TRAPPC9: variants seen among roughly 807,000 people sequenced by gnomAD.
TRAPPC9 encodes trafficking protein particle complex subunit 9, also known as IKK2 binding protein.
TRAPPC9 carries 83 observed loss-of-function variants against 124.0 expected under a neutral mutation model. That is an observed-to-expected ratio of 0.67 (90% CI 0.56 to 0.80). TRAPPC9 has a LOEUF of 0.80. Ranked by LOEUF, TRAPPC9 falls within the 30% of genes least tolerant of loss-of-function variation. The pLI is 0.00. For synonymous variants in TRAPPC9, 638 were observed against 617.5 expected (o/e 1.03, Z -0.49); for missense variants, 1,302 against 1,508.3 (o/e 0.86, Z 2.27).
chr8:140,249,664 C>T (rs1437815171), intron 16 of TRAPPC9, among the ~76,000 whole-genome samples: 2 of 136,148 alleles, frequency 1.5e-5, no homozygotes, highest in Admixed American at 8.4e-5. Context: ...AGGGCAGTGG[C>T]GCGATCTCGG....
At chr8:140,153,313 C>T (rs1269278415) in intron 17 of TRAPPC9, among the ~76,000 whole-genome samples, 1 of 152,072 alleles carries the variant, frequency 6.6e-6, no homozygotes, top group Non-Finnish European at 1.5e-5. Context: ...GCTGTTACTT[C>T]TTCCCTCCAT....
intron 17 of TRAPPC9, among the ~76,000 whole-genome samples, chr8:140,200,466 C>CAA (rs2062761530): frequency 6.6e-6 from 1 of 152,034 alleles, no homozygotes; most frequent in Admixed American, 6.5e-5. Context: ...AGTCACTTTC[C>CAA]AATGGAGAAA....
chr8:139,836,981 G>GAACCCAGAA (rs3036946), intron 21 of TRAPPC9, among the ~76,000 whole-genome samples: 1 of 151,580 alleles, frequency 6.6e-6, no homozygotes, highest in African/African-American at 2.4e-5. Flanking sequence ...AGGACTTGGG[G>GAACCCAGAA]CCTAGCGATC....
At chr8:140,163,150 C>G (rs2061778506) in intron 17 of TRAPPC9, among the ~76,000 whole-genome samples, 1 of 152,230 alleles carries the variant, frequency 6.6e-6, no homozygotes, top group Non-Finnish European at 1.5e-5. Context: ...AGAGGGCTTG[C>G]CAACCACCAG....
chr8:140,377,292 CT>C (rs112138031), intron 7 of TRAPPC9, among the ~76,000 whole-genome samples: 46 of 150,198 alleles, frequency 3.1e-4, no homozygotes, highest in East Asian at 2.0e-3. Context: ...TTCTCAGTTT[CT>C]TTTTTTTTTC....
intron 17 of TRAPPC9, chr8:140,039,761 C>A (rs527871582): frequency 1.3e-5 from 2 of 152,234 alleles, no homozygotes; most frequent in Admixed American, 1.3e-4. Context: ...ACTGATGGTG[C>A]CGGTCAGAGT....
In TRAPPC9 at chr8:140,288,151, G is replaced by T. The variant is rs1160363682; in HGVS notation, c.1855-417C>A. ...AGCCCCAGGAGACCAAGACCAACCT[G>T]GGCAACACAGTAAGACCCCATCTCT... On this transcript the variant is annotated intron_variant, in intron 12 of 22. Transcript: ENST00000438773. Among the ~76,000 whole-genome samples, 4 of 152,152 alleles carry T rather than the reference G, an allele frequency of 2.6e-5. No individual in the cohort carries two copies. The East Asian group carries it at 7.7e-4, about 29-fold the overall frequency.
At chr8:139,990,544 G>A (rs916806995) in intron 18 of TRAPPC9, among the ~76,000 whole-genome samples, 6 of 151,932 alleles carry the variant, frequency 3.9e-5, no homozygotes, top group African/African-American at 1.5e-4. Context: ...GAACGTGGGC[G>A]TGTGACCTGC....
chr8:140,112,542 T>C (rs917167810), intron 17 of TRAPPC9, among the ~76,000 whole-genome samples: 3 of 152,240 alleles, frequency 2.0e-5, no homozygotes, highest in Non-Finnish European at 2.9e-5. Flanking sequence ...CTCCATTTCA[T>C]GTCAGGCACC....
At chr8:139,779,407 G>A (rs1242733873) in intron 21 of TRAPPC9, among the ~76,000 whole-genome samples, 2 of 152,144 alleles carry the variant, frequency 1.3e-5, no homozygotes, top group African/African-American at 4.8e-5. Context: ...TGGAAACATG[G>A]ATTAATAAAA....
Position 140,023,950 on chromosome 8 carries a change from G to A in TRAPPC9, c.2686C>T (p.Leu896Phe). ...PSVFFTRVST[L>F]PATSTRQCHL... ...GAAGACATTTACCTGGTTGCTGGGA[G>A]GGTGCTGACTCGGGTGAAAAATACA... The change falls in exon 18 of 23, where the codon CTC (leucine) becomes TTC (phenylalanine). Residue 896 changes from leucine to phenylalanine, a missense_variant. By Grantham distance (22) the Leu-to-Phe change is conservative. Around this residue, in one of 3 missense-constraint regions of TRAPPC9, gnomAD observed 640 missense variants for 679.3 expected, o/e 0.94. Transcript: ENST00000438773. The A allele has an allele frequency of 6.2e-7, 1 of 1,614,052 alleles. No individual in the cohort carries two copies. The highest frequency in any genetic ancestry group is 8.5e-7 in the Non-Finnish European group (1 of 1,179,944).
At chr8:140,268,930 C>T (rs374524446) in intron 15 of TRAPPC9, among the ~76,000 whole-genome samples, 3 of 152,138 alleles carry the variant, frequency 2.0e-5, no homozygotes, top group Non-Finnish European at 4.4e-5. Context: ...TCTACATCAA[C>T]GCTTGGAAGT....
rs998213359 is a variant in TRAPPC9, at chr8:139,910,171, G to C, written c.2940C>G (p.Ser980Arg). 2 of 1,613,806 alleles carry C rather than the reference G, an allele frequency of 1.2e-6. No homozygotes were observed. Among genetic ancestry groups the C allele is most frequent in the Non-Finnish European group, 8.5e-7 (1 of 1,179,918 alleles). ...TGATTCTCCAGCAGATGCCCAGCTT[G>C]CTGTGGATCTCCAGGCCTCGGGCTT... ...RREARGLEIH[S>R]KLGICWRIPS... is the part of the protein sequence containing the mutation. Residue 980 changes from serine to arginine, a missense_variant, in exon 20 of 23, where the codon AGC becomes AGG. Around this residue, in one of 3 missense-constraint regions of TRAPPC9, gnomAD observed 640 missense variants for 679.3 expected, o/e 0.94. Transcript: ENST00000438773.
chr8:140,235,768 A>C (rs2063715517), intron 16 of TRAPPC9, among the ~76,000 whole-genome samples: 1 of 152,232 alleles, frequency 6.6e-6, no homozygotes, highest in Admixed American at 6.5e-5. Context: ...ACCTGAGCTT[A>C]TGTCTACCAA....
chr8:139,918,473 CAT>C (rs1832290424), intron 19 of TRAPPC9, among the ~76,000 whole-genome samples: 1 of 152,242 alleles, frequency 6.6e-6, no homozygotes, highest in South Asian at 2.1e-4. Context: ...GCACTGAGTT[CAT>C]ATGAGTGGAA....
intron 9 of TRAPPC9, among the ~76,000 whole-genome samples, chr8:140,317,500 G>A (rs904272298): frequency 6.6e-6 from 1 of 152,162 alleles, no homozygotes; most frequent in Non-Finnish European, 1.5e-5. Flanking sequence ...GGAAAGAAGT[G>A]TTTAGAGACT....
chr8:139,934,870 G>A (rs1290837651), intron 19 of TRAPPC9, among the ~76,000 whole-genome samples: 1 of 152,198 alleles, frequency 6.6e-6, no homozygotes, highest in Non-Finnish European at 1.5e-5. Context: ...CTTGAGATAG[G>A]AGCCCCAGCA....
At chr8:139,847,415 T>C (rs973542673) in intron 21 of TRAPPC9, among the ~76,000 whole-genome samples, 2 of 152,228 alleles carry the variant, frequency 1.3e-5, no homozygotes, top group African/African-American at 4.8e-5. Context: ...CCGGAGCCAG[T>C]TCATCCCACT....
intron 17 of TRAPPC9, among the ~76,000 whole-genome samples, chr8:140,111,567 G>A (rs1253144530): frequency 6.6e-6 from 1 of 152,248 alleles, no homozygotes; most frequent in African/African-American, 2.4e-5. Flanking sequence ...CCCGTGAGCA[G>A]AGCAAGACGC....
Sources: gnomAD v4.1 joint callset for allele counts (sites outside exome capture counted in the v4.1 genomes callset) on GRCh38, gnomAD v4.1.1 for gene constraint, gnomAD v4.1.1 regional missense constraint, MANE v1.5 for transcripts, NCBI Gene and HGNC (gene_info 2026-07-23, HGNC 2026-07-21) for gene names.